The following UNC5C variants were observed in gnomAD, a reference collection of about 807,000 sequenced individuals.
The protein encoded by UNC5C is unc-5 netrin receptor C.
A neutral mutation model predicts 99.8 loss-of-function variants in UNC5C; 47 were observed. The observed-to-expected ratio is 0.47, with a 90% confidence interval of 0.37 to 0.60. UNC5C has a LOEUF of 0.60. Ranked by LOEUF, UNC5C falls within the 20% of genes least tolerant of loss-of-function variation. The probability of loss-of-function intolerance (pLI) is 0.00; values close to 1 mark genes in which losing one functional copy is unlikely to be tolerated. For missense variants in UNC5C, 1,062 were observed against 1,165.9 expected (o/e 0.91, Z 1.30); for synonymous variants, 487 against 452.2 (o/e 1.08, Z -0.98).
intron 1 of UNC5C, among the ~76,000 whole-genome samples, chr4:95,399,041 A>G (rs922105524): frequency 3.9e-5 from 6 of 152,212 alleles, no homozygotes; most frequent in Admixed American, 1.3e-4. Flanking sequence ...ATCATCAAAA[A>G]TAAGGTCAGT....
chr4:95,489,109 G>C (rs1356752851), intron 1 of UNC5C, among the ~76,000 whole-genome samples: 1 of 149,336 alleles, frequency 6.7e-6, no homozygotes, highest in Non-Finnish European at 1.5e-5. Context: ...AAAGGGGGAG[G>C]GGGAGAGGAG....
intron 4 of UNC5C, among the ~76,000 whole-genome samples, chr4:95,267,478 A>G (rs1740491312): frequency 6.6e-6 from 1 of 152,276 alleles, no homozygotes; most frequent in Non-Finnish European, 1.5e-5. Context: ...TAATATAGAC[A>G]TTATGATAAG....
At chr4:95,237,084 T>A (rs752976726) in intron 7 of UNC5C, among the ~76,000 whole-genome samples, 1 of 152,214 alleles carries the variant, frequency 6.6e-6, no homozygotes, top group African/African-American at 2.4e-5. Context: ...CCTAATACAA[T>A]TTAAATGTTA....
At chr4:95,179,369 A>C (rs990617167) in intron 14 of UNC5C, among the ~76,000 whole-genome samples, 3 of 152,262 alleles carry the variant, frequency 2.0e-5, no homozygotes, top group African/African-American at 7.2e-5. Flanking sequence ...AGTGCTGTGC[A>C]CCACAACTTA....
intron 12 of UNC5C, among the ~76,000 whole-genome samples, chr4:95,198,028 C>G (rs1291113031): frequency 6.7e-6 from 1 of 148,782 alleles, no homozygotes; most frequent in African/African-American, 2.5e-5. Flanking sequence ...CGCTCTGCCA[C>G]CCAGGCTGGA....
intron 1 of UNC5C, among the ~76,000 whole-genome samples, chr4:95,393,389 G>A (rs533172369): frequency 6.6e-6 from 1 of 152,266 alleles, no homozygotes; most frequent in South Asian, 2.1e-4. Context: ...AGGAATCAAG[G>A]GGGGAATATC....
intron 2 of UNC5C, among the ~76,000 whole-genome samples, chr4:95,328,036 A>ACTC (rs1275193224): frequency 1.8e-5 from 1 of 55,286 alleles, no homozygotes; most frequent in East Asian, 2.2e-3. Flanking sequence ...GTCACAGGCA[A>ACTC]CTTCTTTTTT....
At chr4:95,347,769 T>G (rs1359753013) in intron 1 of UNC5C, among the ~76,000 whole-genome samples, 1 of 151,730 alleles carries the variant, frequency 6.6e-6, no homozygotes, top group Non-Finnish European at 1.5e-5. Context: ...AAAAATGGAG[T>G]AAAGAATTGA....
chr4:95,252,771 C>T (rs1293715557), intron 4 of UNC5C, among the ~76,000 whole-genome samples: 6 of 152,158 alleles, frequency 3.9e-5, no homozygotes, highest in Non-Finnish European at 7.3e-5. Context: ...AATGCAGGTG[C>T]GTAACACACA....
chr4:95,486,113 T>G (rs1721321330), intron 1 of UNC5C, among the ~76,000 whole-genome samples: 1 of 151,810 alleles, frequency 6.6e-6, no homozygotes, highest in South Asian at 2.1e-4. Flanking sequence ...CTTATCTTTT[T>G]AGTTTCTGAT....
chr4:95,371,261 A>AC (rs1744739851), intron 1 of UNC5C, among the ~76,000 whole-genome samples: 5 of 152,134 alleles, frequency 3.3e-5, no homozygotes, highest in Admixed American at 3.3e-4. Flanking sequence ...TGACAGAAAA[A>AC]CGGACATGAA....
chr4:95,284,309 C>T (rs760737809), intron 3 of UNC5C, among the ~76,000 whole-genome samples: 5 of 152,134 alleles, frequency 3.3e-5, no homozygotes, highest in Non-Finnish European at 7.3e-5. Flanking sequence ...AAATGAATTA[C>T]TAGATAATTC....
At chr4:95,269,916 T>C (rs6855190) in intron 4 of UNC5C, among the ~76,000 whole-genome samples, 15,503 of 152,000 alleles carry the variant, frequency 0.1, 2,259 homozygotes, top group African/African-American at 0.33. Context: ...GATTTCACCA[T>C]GTTGGTCAGG....
At chr4:95,361,514 T>A (rs1057021430) in intron 1 of UNC5C, among the ~76,000 whole-genome samples, 3 of 152,196 alleles carry the variant, frequency 2.0e-5, no homozygotes, top group African/African-American at 7.2e-5. Flanking sequence ...GGACATGGAA[T>A]CATGCAGCAT....
At chr4:95,392,839 AAT>A (rs1745401388) in intron 1 of UNC5C, among the ~76,000 whole-genome samples, 1 of 152,196 alleles carries the variant, frequency 6.6e-6, no homozygotes. Flanking sequence ...TTTAATTTAT[AAT>A]ATGTTTTATA....
At chr4:95,471,025 C>T (rs888559982) in intron 1 of UNC5C, among the ~76,000 whole-genome samples, 1 of 151,600 alleles carries the variant, frequency 6.6e-6, no homozygotes, top group Non-Finnish European at 1.5e-5. Flanking sequence ...AAATCACTAT[C>T]CAAGTAAAAT....
intron 1 of UNC5C, among the ~76,000 whole-genome samples, chr4:95,460,808 C>G (rs1037388482): frequency 6.6e-6 from 1 of 152,086 alleles, no homozygotes; most frequent in Non-Finnish European, 1.5e-5. Context: ...TGTAACATAA[C>G]CATGGGAGTG....
chr4:95,317,531 T>C (rs185288763), intron 2 of UNC5C, among the ~76,000 whole-genome samples: 5 of 152,208 alleles, frequency 3.3e-5, no homozygotes, highest in Admixed American at 2.6e-4. Context: ...TTGGCAACAA[T>C]GTGGAGAAAG....
At chr4:95,490,967 G>A (rs2149481294) in intron 1 of UNC5C, among the ~76,000 whole-genome samples, 1 of 151,646 alleles carries the variant, frequency 6.6e-6, no homozygotes, top group South Asian at 2.1e-4. Flanking sequence ...CTTCTGGTAG[G>A]GAATGTTTTT....
Sources: gnomAD v4.1 joint callset for allele counts (sites outside exome capture counted in the v4.1 genomes callset) on GRCh38, gnomAD v4.1.1 for gene constraint, MANE v1.5 for transcripts, NCBI Gene and HGNC (gene_info 2026-07-23, HGNC 2026-07-21) for gene names.